EZR: variants seen among roughly 807,000 people sequenced by gnomAD.
EZR encodes the protein ezrin.
EZR carries 40 observed loss-of-function variants against 74.8 expected under a neutral mutation model. The ratio of observed to expected loss-of-function variants is 0.53; its 90% CI spans 0.42 to 0.70. The LOEUF (loss-of-function observed/expected upper bound fraction) is 0.70. EZR is among the 30% of genes least tolerant of loss of function. EZR has a pLI of 0.00. For missense variants in EZR, 678 were observed against 755.8 expected, an observed-to-expected ratio of 0.90 and a Z score of 1.21; for synonymous variants, 341 against 283.3, an observed-to-expected ratio of 1.20 and a Z score of -2.05.
At chr6:158,819,014 G>T (rs1440119097) in intron 1 of EZR, among the ~76,000 whole-genome samples, 5 of 152,166 alleles carry the variant, frequency 3.3e-5, no homozygotes, top group Non-Finnish European at 2.9e-5. Flanking sequence ...CAACCGTCAA[G>T]CCTTTGAGAA....
At chr6:158,780,760 G>A (rs867713505) in intron 7 of EZR, among the ~76,000 whole-genome samples, 7 of 152,162 alleles carry the variant, frequency 4.6e-5, no homozygotes, top group Admixed American at 2.0e-4. Flanking sequence ...TTTTTGGTCC[G>A]AGTGTCAGGT....
chr6:158,818,405 G>T (rs1777612535), intron 1 of EZR, among the ~76,000 whole-genome samples: 1 of 151,266 alleles, frequency 6.6e-6, no homozygotes, highest in Non-Finnish European at 1.5e-5. Context: ...GGGGCAGCCG[G>T]CGGGCACTGG....
At chr6:158,789,501 T>G (rs564694102) in intron 2 of EZR, 130 bp from the exon 3 acceptor site, 36 of 856,720 alleles carry the variant, frequency 4.2e-5, no homozygotes, top group Admixed American at 1.9e-4. Flanking sequence ...CCTGTGCTAG[T>G]CAGGAAGCCA....
intron 1 of EZR, among the ~76,000 whole-genome samples, 168 bp downstream of exon 1, chr6:158,819,149 G>A (rs1024619807): frequency 6.2e-4 from 94 of 151,948 alleles, no homozygotes; most frequent in African/African-American, 2.1e-3. Context: ...GCGGGGCCGC[G>A]GGCCGGCTCA....
rs1262701338 is a variant in EZR at position 158,766,206 on chromosome 6, TG to T, written c.*707del. The T allele has an allele frequency of 6.6e-6, 1 of 152,396 alleles. No individual in the cohort carries two copies. The allele number at this position is 152,396 out of a possible 1,614,324, so 9.4% of individuals were successfully genotyped here. A position where few individuals can be genotyped will look rare whatever the true frequency, so the allele number is the denominator to read the frequency against. ...CAAAACTTTCCCTTTTTAAAACTAA[TG>T]TTACAAATCTGTATTATCACTTGTA... On this transcript the variant is annotated 3_prime_UTR_variant, in exon 14 of 14. Transcript: ENST00000367075.
intron 4 of EZR, among the ~76,000 whole-genome samples, chr6:158,786,357 G>C (rs571470289): frequency 7.5e-4 from 114 of 152,318 alleles, no homozygotes; most frequent in African/African-American, 2.6e-3. Flanking sequence ...CTGGGCGACA[G>C]AGCAAGACTC....
At chr6:158,803,543 A>ATG (rs199965597) in intron 2 of EZR, among the ~76,000 whole-genome samples, 1 of 21,462 alleles carries the variant, frequency 4.7e-5, no homozygotes, top group Non-Finnish European at 8.8e-5. Flanking sequence ...ATATATATAT[A>ATG]TGTATATATA....
At position 158,789,320 on chromosome 6, in the gene EZR, G is replaced by T; in HGVS notation, c.64C>A (p.Pro22Thr). ...MDAELEFAIQ[P>T]NTTGKQLFDQ... ...AAAAGCTGTTTTCCAGTTGTATTTG[G>T]CTGGATTGCAAACTCCAGCTCTGCA... The change falls in exon 3 of 14, where the codon CCA (proline) becomes ACA (threonine). Residue 22 changes from proline (P) to threonine (T), a missense_variant. Pro to Thr is a conservative substitution (Grantham distance 38). This residue lies in a region of EZR where 217 missense variants were observed against 232.2 expected (regional missense o/e 0.93). Transcript: ENST00000367075. The T allele has an allele frequency of 6.2e-7, 1 of 1,614,146 alleles. No homozygotes were observed. The highest frequency in any genetic ancestry group is 8.5e-7 in the Non-Finnish European group (1 of 1,179,998).
intron 2 of EZR, among the ~76,000 whole-genome samples, chr6:158,806,430 ACT>A (rs1314503926): frequency 2.0e-5 from 3 of 150,976 alleles, no homozygotes; most frequent in East Asian, 2.0e-4. Context: ...GATCCTCCAC[ACT>A]CTCTTTTCAG....
In EZR at chr6:158,784,739, A is replaced by G. The variant is rs752982231; in HGVS notation, c.468-12T>C. The G allele has an allele frequency of 1.9e-6, 3 of 1,613,032 alleles. No homozygotes were observed. The East Asian group carries it at 6.7e-5, about 36-fold the overall frequency. On this transcript the variant is annotated splice_polypyrimidine_tract_variant and intron_variant, in intron 5 of 13. Coordinates refer to ENST00000367075, the MANE Select transcript of EZR (RefSeq NM_001111077.2). ...GCTGGTCCATCACTCTGGAATGCAA[A>G]AGGAAACAGCACTGTCATCCTTAAG... is the stretch of plus-strand genomic sequence containing the variant.
intron 6 of EZR, among the ~76,000 whole-genome samples, chr6:158,783,901 C>CA (rs1193975896): frequency 6.6e-6 from 1 of 152,200 alleles, no homozygotes; most frequent in Non-Finnish European, 1.5e-5. Flanking sequence ...CACCAAACCC[C>CA]ACACTTTGAA....
chr6:158,812,955 G>A (rs1159539501), intron 2 of EZR, among the ~76,000 whole-genome samples: 1 of 152,080 alleles, frequency 6.6e-6, no homozygotes, highest in African/African-American at 2.4e-5. Flanking sequence ...CAAGCTATGA[G>A]CTCCCTCAAT....
chr6:158,801,524 C>A (rs770514206), intron 2 of EZR, among the ~76,000 whole-genome samples: 3 of 152,182 alleles, frequency 2.0e-5, no homozygotes, highest in Non-Finnish European at 4.4e-5. Flanking sequence ...AATTCAGTAA[C>A]ATTTCAGTGC....
intron 2 of EZR, among the ~76,000 whole-genome samples, chr6:158,803,610 TATATATATATATATACATATAC>T (rs1777259815): frequency 5.6e-5 from 1 of 17,996 alleles, no homozygotes; most frequent in Non-Finnish European, 1.2e-4. Context: ...TATATACATA[TATATATATATATATACATATAC>T]ATACATATAT....
chr6:158,794,440 T>C lies in EZR; in HGVS notation c.13-5069A>G, dbSNP rs558195569. Among the ~76,000 whole-genome samples the C allele has an allele frequency of 5.3e-5, 8 of 152,288 alleles. No homozygotes were observed. The South Asian group carries it at 1.7e-3, about 32-fold the overall frequency. On this transcript the variant is annotated intron_variant, in intron 2 of 13. Coordinates refer to ENST00000367075, the MANE Select transcript of EZR (RefSeq NM_001111077.2). ...ACTGTTTTTAGTGAACTCAACATAT[T>C]TGAATGCCAACTGGTTCTTGTATCT...
intron 5 of EZR, among the ~76,000 whole-genome samples, chr6:158,785,048 A>G (rs1791534448): frequency 6.6e-6 from 1 of 152,234 alleles, no homozygotes; most frequent in Non-Finnish European, 1.5e-5. Context: ...ATACCCCAGG[A>G]GGAGCTGAGC....
intron 1 of EZR, 45 bp downstream of exon 1, chr6:158,819,272 C>G (rs927150227): frequency 1.3e-5 from 2 of 153,542 alleles, no homozygotes; most frequent in Non-Finnish European, 2.9e-5. Context: ...CCAGGAACCC[C>G]CCGCCCAGAA....
chr6:158,782,471 A>AC (rs1657426166), intron 7 of EZR, among the ~76,000 whole-genome samples: 1 of 152,190 alleles, frequency 6.6e-6, no homozygotes, highest in South Asian at 2.1e-4. Context: ...GAGAGCTGTC[A>AC]TTTCAAGGAA....
In EZR at chr6:158,767,383, C is replaced by G; in HGVS notation, c.1474G>C (p.Glu492Gln). 6.2e-7 allele frequency: 1 copy of G among 1,614,006 alleles called. No homozygotes were observed. The highest frequency in any genetic ancestry group is 8.5e-7 in the Non-Finnish European group (1 of 1,179,978). ...SYHVQESLQD[E>Q]GAEPTGYSAE... ...CTGTAGCCCGTGGGCTCTGCGCCCT[C>G]ATCCTGCAAGCTCTCCTGGACATGG... The change falls in exon 13 of 14, where the codon GAG becomes CAG. Residue 492 changes from glutamate to glutamine, a missense_variant. Physicochemically the swap from Glu to Gln is conservative, Grantham distance 29 (BLOSUM62 2). Coordinates refer to ENST00000367075, the MANE Select transcript of EZR (RefSeq NM_001111077.2).
Sources: allele counts gnomAD v4.1 joint callset (sites outside exome capture counted in the v4.1 genomes callset), GRCh38; gene constraint gnomAD v4.1.1; regional missense constraint gnomAD v4.1.1; transcripts MANE v1.5; gene names NCBI Gene and HGNC (gene_info 2026-07-23, HGNC 2026-07-21).